Variants in RGPD8 observed in about 807,000 individuals in gnomAD.
RGPD8 encodes RANBP2 like and GRIP domain containing 8.
Under a neutral mutation model 89.1 loss-of-function variants are expected in RGPD8, and 15 were observed. The ratio of observed to expected loss-of-function variants is 0.17; its 90% confidence interval spans 0.11 to 0.26. RGPD8 has a LOEUF of 0.26. Among genes scored for constraint, RGPD8 ranks in the 10% least tolerant of loss-of-function variants. RGPD8 has a pLI of 1.00. For missense variants in RGPD8, 178 were observed against 1,179.6 expected (o/e 0.15, Z 12.44); for synonymous variants, 62 against 420.9 (o/e 0.15, Z 10.44).
intron 3 of RGPD8, 56 bp downstream of exon 3, chr2:112,422,492 C>A (rs997295545): frequency 4.5e-5 from 71 of 1,593,194 alleles, no homozygotes; most frequent in Non-Finnish European, 5.9e-5. Flanking sequence ...ATATAAATTT[C>A]TCTGGGCATC....
chr2:112,411,392 C>A (rs1252859516), intron 7 of RGPD8, among the ~76,000 whole-genome samples: 1 of 142,846 alleles, frequency 7.0e-6, no homozygotes, highest in Admixed American at 7.0e-5. Flanking sequence ...CACGGTGAAA[C>A]CCCGTCTCTA....
chr2:112,415,625 G>C (rs1174447095), intron 6 of RGPD8, among the ~76,000 whole-genome samples: 1 of 150,934 alleles, frequency 6.6e-6, no homozygotes, highest in Non-Finnish European at 1.5e-5. Flanking sequence ...CTCTTATTCA[G>C]AGCATTGAGA....
chr2:112,426,839 T>C (rs1679791450), intron 1 of RGPD8, among the ~76,000 whole-genome samples: 1 of 145,236 alleles, frequency 6.9e-6, no homozygotes, highest in Admixed American at 6.8e-5. Context: ...TTTTTTTTTT[T>C]TTTTTGAGAT....
intron 9 of RGPD8, among the ~76,000 whole-genome samples, chr2:112,402,495 C>CAAAAGAAAAGAAAAGAAAAGAA (rs1553503522): frequency 6.8e-6 from 1 of 147,012 alleles, no homozygotes; most frequent in Non-Finnish European, 1.5e-5. Context: ...GTCTCAAAAA[C>CAAAAGAAAAGAAAAGAAAAGAA]AAGAAAAGAA....
At chr2:112,426,822 C>T (rs1051956061) in intron 1 of RGPD8, among the ~76,000 whole-genome samples, 2 of 146,434 alleles carry the variant, frequency 1.4e-5, no homozygotes, top group Non-Finnish European at 1.5e-5. Flanking sequence ...CCTGTTCCCC[C>T]CTTCCTTTTT....
chr2:112,380,435 C>T (rs1356990936), intron 21 of RGPD8, among the ~76,000 whole-genome samples: 6 of 136,226 alleles, frequency 4.4e-5, no homozygotes, highest in African/African-American at 7.8e-5. Context: ...AGGTGGATCA[C>T]GAGGTCAGGA....
intron 1 of RGPD8, 27 bp downstream of exon 1, chr2:112,433,355 C>G: frequency 6.3e-7 from 1 of 1,598,956 alleles, no homozygotes; most frequent in Non-Finnish European, 8.5e-7. Flanking sequence ...CGGGTCGAGG[C>G]CGCCGCTCTC....
At chr2:112,431,503 T>C (rs1326391064) in intron 1 of RGPD8, among the ~76,000 whole-genome samples, 3 of 152,162 alleles carry the variant, frequency 2.0e-5, no homozygotes, top group Non-Finnish European at 4.4e-5. Context: ...CATTTGACCC[T>C]GAACAAGTAT....
Position 112,422,460 on chromosome 2 carries a change from A to G in RGPD8, c.252+88T>C, listed in dbSNP as rs766921942. On this transcript the variant is annotated intron_variant, in intron 3 of 22. Transcript: ENST00000302558. ...TACCAATGCCTGTTTTATGATATTT[A>G]TAAAATATATTTGACTTACTTATAT... 144 of 1,552,888 alleles carry G rather than the reference A, an allele frequency of 9.3e-5. No homozygotes were observed. The Admixed American group carries it at 9.6e-4, about 10-fold the overall frequency.
chr2:112,429,429 A>AG (rs1679925062), intron 1 of RGPD8, among the ~76,000 whole-genome samples: 1 of 150,234 alleles, frequency 6.7e-6, no homozygotes, highest in Admixed American at 6.6e-5. Flanking sequence ...AAAAAAAAAA[A>AG]AAAAAAAAGA....
At chr2:112,402,412 C>A (rs1372380406) in intron 9 of RGPD8, among the ~76,000 whole-genome samples, 3 of 147,040 alleles carry the variant, frequency 2.0e-5, no homozygotes, top group African/African-American at 7.5e-5. Context: ...GAGGCCGAGG[C>A]AAGACAATTG....
At chr2:112,424,094 T>A in intron 2 of RGPD8, 146 bp downstream of exon 2, 5 of 1,118,340 alleles carry the variant, frequency 4.5e-6, no homozygotes, top group Non-Finnish European at 6.2e-6. Context: ...AGGCTGGTCC[T>A]TAGCATCAGT....
Position 112,380,860 on chromosome 2 carries a change from T to C in RGPD8, c.5025A>G (p.Ile1675Met), listed in dbSNP as rs775776785. 2 of 1,414,106 alleles carry C rather than the reference T, an allele frequency of 1.4e-6. No homozygotes were observed. Among genetic ancestry groups the C allele is most frequent in the African/African-American group, 2.8e-5 (2 of 70,236 alleles). 87.6% of individuals were successfully genotyped at this position (1,414,106 alleles called of 1,614,324 possible). The change falls in exon 21 of 23, where the codon ATA (isoleucine) becomes ATG (methionine). Residue 1675 changes from isoleucine (I) to methionine (M), a missense_variant. Transcript: ENST00000302558. ...CCATAAGGACTGCATTGGTTGCCTC[T>C]ATTTCCCGAAGCAGGCCGTTTAAGT... is the stretch of plus-strand genomic sequence containing the variant. ...ADHLNGLLRE[I>M]EATNAVLMEQ... is the part of the protein sequence containing the mutation.
chr2:112,427,339 A>C (rs1312522130), intron 1 of RGPD8, among the ~76,000 whole-genome samples: 1 of 152,206 alleles, frequency 6.6e-6, no homozygotes, highest in Non-Finnish European at 1.5e-5. Flanking sequence ...AAGGGAACTG[A>C]AGCTCAAGCA....
intron 1 of RGPD8, among the ~76,000 whole-genome samples, chr2:112,426,264 A>C (rs1443731747): frequency 1.3e-5 from 2 of 152,212 alleles, no homozygotes; most frequent in Non-Finnish European, 2.9e-5. Context: ...CAAGCACTGC[A>C]ATACTCCAAC....
Position 112,426,832 on chromosome 2 carries a change from T to C in RGPD8, c.73-2525A>G, listed in dbSNP as rs527832585. On this transcript the variant is annotated intron_variant, in intron 1 of 22. Coordinates refer to ENST00000302558, the MANE Select transcript of RGPD8 (RefSeq NM_001164463.1). The stretch of plus-strand genomic sequence containing the variant: ...CAAGTCCTGTTCCCCCCTTCCTTTT[T>C]TTTTTTTTTTTTGAGATGGAGTCTT... 1.1e-3 allele frequency among the ~76,000 whole-genome samples: 156 copies of C among 142,568 alleles called. 2 individuals are homozygous for C. The highest frequency in any genetic ancestry group is 7.1e-3 in the South Asian group (31 of 4,376). 93.5% of individuals were successfully genotyped at this position (142,568 alleles called of 152,430 possible).
In RGPD8 at chr2:112,370,219, A is replaced by G; in HGVS notation, c.5264-7T>C. On this transcript the variant is annotated splice_polypyrimidine_tract_variant and splice_region_variant and intron_variant, in intron 22 of 22. Coordinates refer to ENST00000302558, the MANE Select transcript of RGPD8 (RefSeq NM_001164463.1). ...GAAGGATTTTCTTCCTCATCTTTAG[A>G]AAGTAAAACAAAGAAAAAAAAAAGA... 1 of 1,514,790 alleles carries G rather than the reference A, an allele frequency of 6.6e-7. No individual in the cohort carries two copies. Among genetic ancestry groups the G allele is most frequent in the East Asian group, 2.3e-5 (1 of 44,392 alleles). 93.8% of individuals were successfully genotyped at this position (1,514,790 alleles called of 1,614,324 possible). A position where few individuals can be genotyped will look rare whatever the true frequency, so the allele number is the denominator to read the frequency against.
chr2:112,425,282 A>G lies in RGPD8; in HGVS notation c.73-975T>C, dbSNP rs547456159. ...TAAGCCTCTATGGGAAAGAATAAAT[A>G]AGTACTTAGGATCTATTAAGGCACT... On this transcript the variant is annotated intron_variant, in intron 1 of 22. Transcript: ENST00000302558. Among the ~76,000 whole-genome samples, 6 of 147,626 alleles carry G rather than the reference A, an allele frequency of 4.1e-5. 2 individuals are homozygous for G. Among genetic ancestry groups the G allele is most frequent in the Non-Finnish European group, 9.1e-5 (6 of 66,082 alleles).
intron 9 of RGPD8, among the ~76,000 whole-genome samples, chr2:112,402,429 C>A (rs1299625245): frequency 2.7e-5 from 4 of 148,988 alleles, no homozygotes; most frequent in African/African-American, 7.4e-5. Context: ...ATTGCTTGAA[C>A]CTGGCAGCCG....
Sources: gnomAD v4.1 joint callset for allele counts (sites outside exome capture counted in the v4.1 genomes callset) on GRCh38, gnomAD v4.1.1 for gene constraint, MANE v1.5 for transcripts, NCBI Gene and HGNC (gene_info 2026-07-23, HGNC 2026-07-21) for gene names.